Variants in CFAP299 observed in about 807,000 individuals in gnomAD.
CFAP299 encodes cilia- and flagella-associated protein 299.
CFAP299 carries 21 observed loss-of-function variants against 27.0 expected under a neutral mutation model. The observed-to-expected ratio is 0.78, with a 90% CI of 0.55 to 1.12. The LOEUF (loss-of-function observed/expected upper bound fraction) is 1.12, where lower values mean the gene tolerates loss of function less well. CFAP299 is among the 50% of genes most tolerant of loss of function. The probability of loss-of-function intolerance (pLI) is 0.00; values close to 1 mark genes in which losing one functional copy is unlikely to be tolerated. For synonymous variants in CFAP299, 104 were observed against 98.1 expected, an observed-to-expected ratio of 1.06 and a Z score of -0.36; for missense variants, 310 against 276.6, an observed-to-expected ratio of 1.12 and a Z score of -0.86.
chr4:80,473,363 C>T (rs868760516), intron 2 of CFAP299, among the ~76,000 whole-genome samples: 2 of 151,842 alleles, frequency 1.3e-5, no homozygotes, highest in Non-Finnish European at 2.9e-5. Flanking sequence ...GTTCAAGGGC[C>T]AGTATCATTA....
At chr4:80,441,578 C>T (rs980174306) in intron 2 of CFAP299, among the ~76,000 whole-genome samples, 1 of 152,162 alleles carries the variant, frequency 6.6e-6, no homozygotes, top group Non-Finnish European at 1.5e-5. Flanking sequence ...AAAGGAAAAA[C>T]CATTACCAGC....
intron 2 of CFAP299, among the ~76,000 whole-genome samples, chr4:80,472,018 G>C (rs1431585425): frequency 6.6e-6 from 1 of 152,226 alleles, no homozygotes; most frequent in Non-Finnish European, 1.5e-5. Context: ...GAATTTAATA[G>C]AAATCGGTTT....
At chr4:80,715,888 A>C (rs1211442078) in intron 3 of CFAP299, among the ~76,000 whole-genome samples, 1 of 152,096 alleles carries the variant, frequency 6.6e-6, no homozygotes, top group Non-Finnish European at 1.5e-5. Context: ...AGTCAAGTCC[A>C]ATATTGTTTT....
At chr4:80,466,164 C>CAA (rs1729689672) in intron 2 of CFAP299, among the ~76,000 whole-genome samples, 1 of 152,128 alleles carries the variant, frequency 6.6e-6, no homozygotes, top group African/African-American at 2.4e-5. Context: ...AGTTAATAAT[C>CAA]AAGGACAAAA....
chr4:80,714,606 A>G (rs554272456), intron 3 of CFAP299, among the ~76,000 whole-genome samples: 12 of 152,130 alleles, frequency 7.9e-5, no homozygotes, highest in Non-Finnish European at 1.8e-4. Flanking sequence ...TTGAGAATAG[A>G]CCTGGAGTCA....
intron 5 of CFAP299, 142 bp from the exon 6 acceptor site, chr4:80,963,375 G>T: frequency 1.7e-6 from 1 of 598,136 alleles, no homozygotes. Context: ...AAAGACTAGG[G>T]GGAAAACATG....
At chr4:80,770,669 TA>T (rs983737923) in intron 3 of CFAP299, among the ~76,000 whole-genome samples, 2 of 152,210 alleles carry the variant, frequency 1.3e-5, no homozygotes, top group South Asian at 2.1e-4. Flanking sequence ...GTCTTTCCTT[TA>T]AAAAACTGTT....
intron 3 of CFAP299, among the ~76,000 whole-genome samples, chr4:80,805,940 A>T (rs908404729): frequency 1.1e-4 from 17 of 152,100 alleles, no homozygotes; most frequent in African/African-American, 3.6e-4. Flanking sequence ...TGAAGAAAGA[A>T]TATCTCTGCA....
intron 2 of CFAP299, among the ~76,000 whole-genome samples, chr4:80,476,310 TTGTG>T (rs755372811): frequency 6.6e-6 from 1 of 152,148 alleles, no homozygotes; most frequent in Non-Finnish European, 1.5e-5. Context: ...CAAGGTTAAT[TTGTG>T]TGTGCACAGG....
intron 2 of CFAP299, among the ~76,000 whole-genome samples, chr4:80,445,908 T>C (rs561749859): frequency 9.2e-4 from 140 of 152,316 alleles, no homozygotes; most frequent in Non-Finnish European, 5.1e-4. Context: ...GTTGGCATTG[T>C]ATGCTAAAGA....
At chr4:80,862,946 G>T (rs35341615) in intron 3 of CFAP299, among the ~76,000 whole-genome samples, 1 of 151,912 alleles carries the variant, frequency 6.6e-6, no homozygotes, top group African/African-American at 2.4e-5. Flanking sequence ...TAGTTGATTC[G>T]CAGAGAACTT....
Position 80,664,501 on chromosome 4 carries a change from G to A in CFAP299, c.333+81318G>A, listed in dbSNP as rs192308060. 2.2e-3 allele frequency among the ~76,000 whole-genome samples: 332 copies of A among 152,276 alleles called. 2 individuals carry two copies. The highest frequency in any genetic ancestry group is 3.9e-3 in the Non-Finnish European group (266 of 68,004). ...AGCTGCAGTGGGTTCCACCCAGTTC[G>A]AACTTCCTGGCAGCTTTGTTTACAC... is the stretch of plus-strand genomic sequence containing the variant. On this transcript the variant is annotated intron_variant, in intron 3 of 5. Coordinates refer to ENST00000358105, the MANE Select transcript of CFAP299 (RefSeq NM_152770.3).
intron 1 of CFAP299, among the ~76,000 whole-genome samples, chr4:80,355,889 A>T (rs1325486958): frequency 6.6e-6 from 1 of 151,854 alleles, no homozygotes; most frequent in Non-Finnish European, 1.5e-5. Context: ...TGCTTTTGTG[A>T]TTTCATCATA....
At chr4:80,934,013 G>A (rs945214938) in intron 4 of CFAP299, among the ~76,000 whole-genome samples, 3 of 151,958 alleles carry the variant, frequency 2.0e-5, no homozygotes, top group Non-Finnish European at 4.4e-5. Flanking sequence ...TCCTAACCTT[G>A]GAGAAAAAAC....
At chr4:80,839,773 A>G (rs578237197) in intron 3 of CFAP299, among the ~76,000 whole-genome samples, 7 of 151,976 alleles carry the variant, frequency 4.6e-5, no homozygotes, top group Non-Finnish European at 7.4e-5. Context: ...TTCCCATTTT[A>G]AAAATCCCCC....
At chr4:80,803,425 T>C (rs1468158003) in intron 3 of CFAP299, among the ~76,000 whole-genome samples, 1 of 151,976 alleles carries the variant, frequency 6.6e-6, no homozygotes, top group Non-Finnish European at 1.5e-5. Flanking sequence ...ATTAAGGTAT[T>C]TCAAAATCTG....
rs572985992 is a variant in CFAP299, at chr4:80,630,721, C to T, written c.333+47538C>T. Reference sequence around the variant, plus strand: ...ATGAAATTAATGATCCACATATTATCGAGTAATATATTGACAATAGAAGCA... The same window carrying T: ...ATGAAATTAATGATCCACATATTATTGAGTAATATATTGACAATAGAAGCA... On this transcript the variant is annotated intron_variant, in intron 3 of 5. Transcript: ENST00000358105. Among the ~76,000 whole-genome samples, 7 of 151,728 alleles carry T rather than the reference C, an allele frequency of 4.6e-5. No individual in the cohort carries two copies. In the East Asian group the frequency reaches 1.4e-3, roughly 29 times the overall value.
At chr4:80,352,004 T>C (rs1305990847) in intron 1 of CFAP299, among the ~76,000 whole-genome samples, 1 of 151,600 alleles carries the variant, frequency 6.6e-6, no homozygotes, top group Non-Finnish European at 1.5e-5. Flanking sequence ...GAAAAGGAGA[T>C]TTATAATGTC....
chr4:80,730,603 A>G (rs1200826287), intron 3 of CFAP299, among the ~76,000 whole-genome samples: 3 of 152,122 alleles, frequency 2.0e-5, no homozygotes. Flanking sequence ...ACTCCCAGTC[A>G]AGCCTTAAGA....
Sources: allele counts gnomAD v4.1 joint callset (sites outside exome capture counted in the v4.1 genomes callset), GRCh38; gene constraint gnomAD v4.1.1; transcripts MANE v1.5; gene names NCBI Gene and HGNC (gene_info 2026-07-23, HGNC 2026-07-21).